PCDHGB2: variants seen among roughly 807,000 people sequenced by gnomAD.
PCDHGB2 encodes the protein protocadherin gamma-B2.
Under a neutral mutation model 59.3 loss-of-function variants are expected in PCDHGB2, and 55 were observed. That is an observed-to-expected ratio of 0.93 (90% confidence interval 0.75 to 1.16). PCDHGB2 has a LOEUF of 1.16. PCDHGB2 is among the 50% of genes most tolerant of loss of function. The pLI is 0.00. For missense variants in PCDHGB2, 1,228 were observed against 1,198.5 expected, an observed-to-expected ratio of 1.02 and a Z score of -0.36; for synonymous variants, 516 against 512.0, an observed-to-expected ratio of 1.01 and a Z score of -0.11.
intron 1 of PCDHGB2, chr5:141,395,200 A>G: frequency 6.2e-7 from 1 of 1,613,768 alleles, no homozygotes; most frequent in Non-Finnish European, 8.5e-7. Flanking sequence ...ACATCCGTAG[A>G]TTTTCATGAA....
intron 1 of PCDHGB2, chr5:141,366,469 G>A (rs575828819): frequency 6.2e-7 from 1 of 1,614,256 alleles, no homozygotes. Context: ...TGCTGCTGGT[G>A]CTCAGACTGA....
Position 141,364,123 on chromosome 5 carries a change from C to T in PCDHGB2, c.2421+1567C>T, listed in dbSNP as rs1763177434. ...AGTCACTGGTTAGGACTCTGAGTGT[C>T]GCTGTTGACCAAAGTGGGAAAGAAG... is the stretch of plus-strand genomic sequence containing the variant. On this transcript the variant is annotated intron_variant, in intron 1 of 3. Coordinates refer to ENST00000522605, the MANE Select transcript of PCDHGB2 (RefSeq NM_018923.3). 3 of 460,466 alleles carry T rather than the reference C, an allele frequency of 6.5e-6. No individual in the cohort carries two copies. The Admixed American group carries it at 1.1e-4, about 18-fold the overall frequency. The allele number at this position is 460,466 out of a possible 1,614,324, so 28.5% of individuals were successfully genotyped here. A position where few individuals can be genotyped will look rare whatever the true frequency, so the allele number is the denominator to read the frequency against.
rs1266068276 is a variant in PCDHGB2 at position 141,418,847 on chromosome 5, C to T, written c.2421+56291C>T. 1.2e-6 allele frequency: 2 copies of T among 1,613,972 alleles called. No individual in the cohort carries two copies. The highest frequency in any genetic ancestry group is 1.3e-5 in the African/African-American group (1 of 75,054). On this transcript the variant is annotated intron_variant, in intron 1 of 3. Transcript: ENST00000522605. ...AAAAGACCGAGGATCTCTCTCAACACGGTGTAAAGTAATTGTAGAAGTTGT... is the reference window on the plus strand; with the variant it reads ...AAAAGACCGAGGATCTCTCTCAACATGGTGTAAAGTAATTGTAGAAGTTGT...
rs972633773 is a variant in PCDHGB2, at chr5:141,489,751, A to T, written c.2422-5056A>T. ...GGGCACCAATACTGTGAGCTTTTAC[A>T]CTCTAAGCCCCAACAGCCACTTCTC... On this transcript the variant is annotated intron_variant, in intron 1 of 3. Coordinates refer to ENST00000522605, the MANE Select transcript of PCDHGB2 (RefSeq NM_018923.3). The surrounding 1 kb of genome is among the most constrained non-coding windows in gnomAD (Gnocchi z 4.5). The T allele has an allele frequency of 1.9e-6, 3 of 1,613,740 alleles. No individual in the cohort carries two copies. Among genetic ancestry groups the T allele is most frequent in the African/African-American group, 2.7e-5 (2 of 74,840 alleles).
intron 3 of PCDHGB2, among the ~76,000 whole-genome samples, chr5:141,506,363 C>T (rs1013247178): frequency 4.0e-5 from 6 of 150,792 alleles, no homozygotes; most frequent in South Asian, 4.2e-4. Context: ...GCAGGAGAAT[C>T]GCTTGAACCT....
chr5:141,386,951 G>C (rs1313182720), intron 1 of PCDHGB2, among the ~76,000 whole-genome samples: 4 of 152,342 alleles, frequency 2.6e-5, no homozygotes, highest in Non-Finnish European at 4.4e-5. Flanking sequence ...CAGTGCTTCA[G>C]TGCAGCAGAT....
chr5:141,382,880 G>A, intron 1 of PCDHGB2: 1 of 1,526,962 alleles, frequency 6.5e-7, no homozygotes, highest in Non-Finnish European at 8.8e-7. Context: ...CGGCGCCTAA[G>A]CAAGAGAAGC....
rs1057107770 is a variant in PCDHGB2 at position 141,387,795 on chromosome 5, T to C, written c.2421+25239T>C. 28 of 1,499,168 alleles carry C rather than the reference T, an allele frequency of 1.9e-5. No homozygotes were observed. In the African/African-American group the frequency reaches 2.5e-4, roughly 13 times the overall value. The allele number at this position is 1,499,168 out of a possible 1,614,324, so 92.9% of individuals were successfully genotyped here. A position where few individuals can be genotyped will look rare whatever the true frequency, so the allele number is the denominator to read the frequency against. On this transcript the variant is annotated intron_variant, in intron 1 of 3. Transcript: ENST00000522605. ...TCTTGAACTGGAACTGCAACTAAAG[T>C]CCGTTCGGAGATCCAAAAATCTGCA... is the stretch of plus-strand genomic sequence containing the variant.
At chr5:141,434,683 T>A (rs1057301534) in intron 1 of PCDHGB2, among the ~76,000 whole-genome samples, 8 of 152,248 alleles carry the variant, frequency 5.3e-5, no homozygotes, top group Non-Finnish European at 5.9e-5. Flanking sequence ...AATGACTGGC[T>A]TGCTGTTAAT....
At chr5:141,383,781 G>A (rs1435690676) in intron 1 of PCDHGB2, 13 of 1,613,850 alleles carry the variant, frequency 8.1e-6, no homozygotes, top group Non-Finnish European at 1.1e-5. Context: ...TGTTTCATCT[G>A]AACTCGCTTA....
At chr5:141,393,094 A>T in intron 1 of PCDHGB2, 4 of 1,613,606 alleles carry the variant, frequency 2.5e-6, no homozygotes, top group Non-Finnish European at 3.4e-6. Flanking sequence ...GATCGGGAGG[A>T]GCTCTGCGCT....
At chr5:141,375,521 GACGTGGACCAGA>G in intron 1 of PCDHGB2, 1 of 1,613,994 alleles carries the variant, frequency 6.2e-7, no homozygotes, top group Non-Finnish European at 8.5e-7. Context: ...ACTGGACCCT[GACGTGGACCAGA>G]ACGCCCAAGT....
At chr5:141,389,539 AC>A (rs750868475) in intron 1 of PCDHGB2, 1 of 1,613,100 alleles carries the variant, frequency 6.2e-7, no homozygotes, top group African/African-American at 1.3e-5. Context: ...TTAGTGGACG[AC>A]CGCAACGACA....
Position 141,511,349 on chromosome 5 carries a change from C to T in PCDHGB2, c.*176C>T, listed in dbSNP as rs1463242262. The T allele has an allele frequency of 2.1e-6, 3 of 1,401,380 alleles. No homozygotes were observed. The highest frequency in any genetic ancestry group is 2.9e-5 in the African/African-American group (2 of 68,826). 86.8% of individuals were successfully genotyped at this position (1,401,380 alleles called of 1,614,324 possible). The stretch of plus-strand genomic sequence containing the variant: ...GCCCAGTCAGCACCTACCCCTTCCC[C>T]CCCAGGGGGTTGAATATGCAAAAGC... On this transcript the variant is annotated 3_prime_UTR_variant, in exon 4 of 4. Transcript: ENST00000522605.
intron 1 of PCDHGB2, chr5:141,410,478 C>G (rs767257836): frequency 6.2e-7 from 1 of 1,613,992 alleles, no homozygotes; most frequent in Non-Finnish European, 8.5e-7. Context: ...ATTGCACATA[C>G]GGGTACAAAA....
At chr5:141,386,096 G>C (rs1029162742) in intron 1 of PCDHGB2, 7 of 152,214 alleles carry the variant, frequency 4.6e-5, no homozygotes, top group African/African-American at 1.7e-4. Flanking sequence ...CAGATGAAGT[G>C]TGTCTGTGGG....
chr5:141,501,478 T>A (rs536337246), intron 2 of PCDHGB2, among the ~76,000 whole-genome samples: 5 of 151,890 alleles, frequency 3.3e-5, no homozygotes, highest in Non-Finnish European at 7.4e-5. Flanking sequence ...CCTGGAAGAG[T>A]CCCTCATATC....
chr5:141,419,561 G>T, intron 1 of PCDHGB2: 1 of 1,611,846 alleles, frequency 6.2e-7, no homozygotes. Flanking sequence ...CCCTGCGCTG[G>T]GTCCCGACGG....
chr5:141,387,926 G>A (rs888934094), intron 1 of PCDHGB2: 1 of 1,236,078 alleles, frequency 8.1e-7, no homozygotes, highest in South Asian at 1.5e-5. Context: ...CTGAGAGGCT[G>A]CCAGTGCTCT....
Sources: gnomAD v4.1 joint callset for allele counts (sites outside exome capture counted in the v4.1 genomes callset) on GRCh38, gnomAD v4.1.1 for gene constraint, Gnocchi (gnomAD v3.1) non-coding constraint, MANE v1.5 for transcripts, NCBI Gene and HGNC (gene_info 2026-07-23, HGNC 2026-07-21) for gene names.